Variants in EIF5B observed in about 807,000 individuals in gnomAD.
The protein encoded by EIF5B is eukaryotic translation initiation factor 5B, also known as eIF-5B.
Under a neutral mutation model 147.5 loss-of-function variants are expected in EIF5B, and 47 were observed. The ratio of observed to expected loss-of-function variants is 0.32; its 90% CI spans 0.25 to 0.41. The LOEUF (loss-of-function observed/expected upper bound fraction) is 0.41, where lower values mean the gene tolerates loss of function less well. Among genes scored for constraint, EIF5B ranks in the 10% least tolerant of loss-of-function variants. The probability of loss-of-function intolerance (pLI) is 1.00; values close to 1 mark genes in which losing one functional copy is unlikely to be tolerated. For missense variants in EIF5B, 1,064 were observed against 1,413.2 expected (o/e 0.75, Z 3.96); for synonymous variants, 455 against 456.2 (o/e 1.00, Z 0.03).
chr2:99,383,093 T>A (rs181639940), intron 14 of EIF5B, among the ~76,000 whole-genome samples, 172 bp downstream of exon 14: 52 of 152,086 alleles, frequency 3.4e-4, no homozygotes, highest in African/African-American at 9.9e-4. Flanking sequence ...TTTTTTTTTT[T>A]AAATACAAAT....
chr2:99,398,237 CCT>C (rs1334896325), intron 22 of EIF5B: 1 of 152,496 alleles, frequency 6.6e-6, no homozygotes, highest in Admixed American at 6.5e-5. Flanking sequence ...CAGAGCTCTC[CCT>C]GTTTTCACTC....
In EIF5B at chr2:99,401,295, G is replaced by A. The variant is rs1675362435; in HGVS notation, c.*1881G>A. 1.9e-6 allele frequency: 3 copies of A among 1,613,690 alleles called. No homozygotes were observed. Among genetic ancestry groups the A allele is most frequent in the Non-Finnish European group, 2.5e-6 (3 of 1,179,838 alleles). ...TTTGTTGTAAAACCACCTGGACATT[G>A]TCAAGAATAAAGTCAAATGCCATAT... On this transcript the variant is annotated 3_prime_UTR_variant, in exon 24 of 24. Transcript: ENST00000289371.
intron 14 of EIF5B, among the ~76,000 whole-genome samples, chr2:99,386,164 C>A (rs1674802633): frequency 6.6e-6 from 1 of 152,198 alleles, no homozygotes; most frequent in South Asian, 2.1e-4. Context: ...AATACTCGCC[C>A]TACCTCCAGC....
intron 22 of EIF5B, chr2:99,397,380 TTC>T (rs2104260979): frequency 6.6e-6 from 1 of 152,444 alleles, no homozygotes; most frequent in African/African-American, 2.4e-5. Context: ...TCACCAGTTA[TTC>T]CAAAGATGTT....
At chr2:99,354,620 A>T (rs1198120664) in intron 1 of EIF5B, among the ~76,000 whole-genome samples, 1 of 152,054 alleles carries the variant, frequency 6.6e-6, no homozygotes, top group Non-Finnish European at 1.5e-5. Flanking sequence ...CTCTTTTCCT[A>T]AAAGTTTATG....
intron 1 of EIF5B, among the ~76,000 whole-genome samples, chr2:99,355,868 G>A (rs533289194): frequency 6.6e-6 from 1 of 152,102 alleles, no homozygotes; most frequent in East Asian, 1.9e-4. Flanking sequence ...TTGCCTGGGC[G>A]TTCCAAAGTG....
chr2:99,349,458 T>A (rs185566365), intron 1 of EIF5B, among the ~76,000 whole-genome samples: 107 of 152,360 alleles, frequency 7.0e-4, no homozygotes, highest in African/African-American at 2.5e-3. Context: ...AGGTTAATTT[T>A]CCTTTTACTT....
chr2:99,344,639 G>A (rs1355223205), intron 1 of EIF5B, among the ~76,000 whole-genome samples: 2 of 152,108 alleles, frequency 1.3e-5, no homozygotes, highest in Non-Finnish European at 2.9e-5. Flanking sequence ...GTCTCACCAT[G>A]TTGGCCAGGC....
chr2:99,374,816 G>A (rs530523867), intron 9 of EIF5B, among the ~76,000 whole-genome samples: 2 of 152,136 alleles, frequency 1.3e-5, no homozygotes, highest in African/African-American at 4.8e-5. Context: ...TATGTTAGGA[G>A]TCATTTTCTC....
At position 99,360,306 on chromosome 2, in the gene EIF5B, G is replaced by A. The variant is rs1674182345; in HGVS notation, c.106G>A (p.Glu36Lys). The A allele has an allele frequency of 6.2e-7, 1 of 1,611,958 alleles. No homozygotes were observed. Among genetic ancestry groups the A allele is most frequent in the Non-Finnish European group, 8.5e-7 (1 of 1,179,324 alleles). ...IEGAGAAKEQ[E>K]PQKSKGKKKK... ...AGGAGCTGGTGCTGCCAAAGAACAG[G>A]AGCCTCAAAAGTCAAAAGGGAAAAA... The change falls in exon 2 of 24, where the codon GAG becomes AAG. Residue 36 changes from glutamate to lysine, a missense_variant. Glu to Lys is a moderately conservative substitution (Grantham distance 56, BLOSUM62 1). Around this residue, in one of 4 missense-constraint regions of EIF5B, gnomAD observed 458 missense variants for 451.3 expected, o/e 1.01. Coordinates refer to ENST00000289371, the MANE Select transcript of EIF5B (RefSeq NM_015904.4).
chr2:99,393,630 C>G (rs1253199706), intron 18 of EIF5B, among the ~76,000 whole-genome samples: 1 of 152,180 alleles, frequency 6.6e-6, no homozygotes, highest in African/African-American at 2.4e-5. Flanking sequence ...CAGCACATGG[C>G]TCTTGTGTCC....
Position 99,371,659 on chromosome 2 carries a change from A to C in EIF5B, c.1481A>C (p.Glu494Ala). The C allele has an allele frequency of 6.2e-7, 1 of 1,611,142 alleles. No individual in the cohort carries two copies. The highest frequency in any genetic ancestry group is 1.3e-5 in the African/African-American group (1 of 74,970). The change falls in exon 9 of 24, where the codon GAA becomes GCA. Residue 494 changes from glutamate (E) to alanine (A), a missense_variant. By Grantham distance (107) the Glu-to-Ala change is moderately radical. Transcript: ENST00000289371. ...AAATGCAAATTTTTACTTACAGAAG[A>C]AGAAGAAGATACTGAGGATGCTGGA... ...EETPPPVEPE[E>A]EEDTEDAGLD...
chr2:99,367,431 C>T (rs1177656207), intron 6 of EIF5B, among the ~76,000 whole-genome samples: 1 of 143,758 alleles, frequency 7.0e-6, no homozygotes. Flanking sequence ...AGTTGAAACT[C>T]TTTTTTTTTT....
rs748127584 is a variant in EIF5B, at chr2:99,382,766, CTTCTT to C, written c.2130-10_2130-6del. On this transcript the variant is annotated splice_polypyrimidine_tract_variant and intron_variant, in intron 13 of 23. Transcript: ENST00000289371. ...AGATTTTCTACTTATAGATCTTTTC[CTTCTT>C]TTCAACAGTAATCTGAGAAATAGAG... The C allele has an allele frequency of 2.5e-6, 4 of 1,574,776 alleles. No individual in the cohort carries two copies. Among genetic ancestry groups the C allele is most frequent in the Non-Finnish European group, 3.4e-6 (4 of 1,167,730 alleles).
At chr2:99,339,881 G>GT (rs756982064) in intron 1 of EIF5B, among the ~76,000 whole-genome samples, 3 of 152,108 alleles carry the variant, frequency 2.0e-5, no homozygotes, top group East Asian at 1.9e-4. Context: ...AAGAAATGCT[G>GT]TTTTTTCCCC....
chr2:99,398,922 G>A lies in EIF5B; in HGVS notation c.3555+13G>A, dbSNP rs758519693. The A allele has an allele frequency of 3.1e-6, 5 of 1,610,070 alleles. No individual in the cohort carries two copies. The highest frequency in any genetic ancestry group is 1.7e-5 in the Admixed American group (1 of 59,404). On this transcript the variant is annotated intron_variant, in intron 23 of 23. Transcript: ENST00000289371. ...TCTTGTTAGTAAGGTAAGTATTTCAGCAAAAGTGGCACACTTTAAGCAACA... is the reference window on the plus strand; with the variant it reads ...TCTTGTTAGTAAGGTAAGTATTTCAACAAAAGTGGCACACTTTAAGCAACA...
At position 99,401,053 on chromosome 2, in the gene EIF5B, AATT is replaced by A. The variant is rs1182288406; in HGVS notation, c.*1641_*1643del. On this transcript the variant is annotated 3_prime_UTR_variant, in exon 24 of 24. Coordinates refer to ENST00000289371, the MANE Select transcript of EIF5B (RefSeq NM_015904.4). ...AATAGAATCTATGCTACAGTAAAAT[AATT>A]AACACAATTATTTACATGCAATACT... The A allele has an allele frequency of 2.5e-6, 1 of 392,724 alleles. No homozygotes were observed. Among genetic ancestry groups the A allele is most frequent in the African/African-American group, 2.2e-5 (1 of 46,444 alleles). The allele number at this position is 392,724 out of a possible 1,614,324, so 24.3% of individuals were successfully genotyped here.
At chr2:99,365,888 C>T (rs948538345) in intron 6 of EIF5B, among the ~76,000 whole-genome samples, 2 of 151,896 alleles carry the variant, frequency 1.3e-5, no homozygotes, top group Non-Finnish European at 2.9e-5. Flanking sequence ...ATTAAAAGAT[C>T]CTACAGTGTT....
intron 6 of EIF5B, among the ~76,000 whole-genome samples, chr2:99,367,315 T>G (rs186626418): frequency 1.4e-4 from 21 of 152,150 alleles, no homozygotes; most frequent in Admixed American, 2.0e-4. Context: ...ACCAATAAGT[T>G]CATTTAAAAA....
Sources: allele counts gnomAD v4.1 joint callset (sites outside exome capture counted in the v4.1 genomes callset), GRCh38; gene constraint gnomAD v4.1.1; regional missense constraint gnomAD v4.1.1; transcripts MANE v1.5; gene names NCBI Gene and HGNC (gene_info 2026-07-23, HGNC 2026-07-21).